Variants in PTPRN2 observed in about 807,000 individuals in gnomAD.
The protein encoded by PTPRN2 is protein tyrosine phosphatase receptor type N2.
In PTPRN2, 74 loss-of-function variants were observed where a neutral mutation model predicts 118.8. That is an observed-to-expected ratio of 0.62 (90% CI 0.52 to 0.76). The LOEUF is 0.76. PTPRN2 is among the 30% of genes least tolerant of loss of function. PTPRN2 has a pLI of 0.00. For missense variants in PTPRN2, 1,481 were observed against 1,394.4 expected (o/e 1.06, Z -0.99); for synonymous variants, 641 against 608.0 (o/e 1.05, Z -0.80).
At chr7:158,320,108 C>G (rs1802861989) in intron 2 of PTPRN2, among the ~76,000 whole-genome samples, 1 of 66,130 alleles carries the variant, frequency 1.5e-5, no homozygotes, top group East Asian at 4.6e-4. Context: ...TAGTCTCCCT[C>G]ACACACACAC....
At chr7:157,602,168 G>A (rs1374758508) in intron 16 of PTPRN2, among the ~76,000 whole-genome samples, 1 of 152,242 alleles carries the variant, frequency 6.6e-6, no homozygotes, top group Non-Finnish European at 1.5e-5. Flanking sequence ...TCTTAAGAAT[G>A]AACACATAAA....
At chr7:158,307,128 A>G (rs1202417518) in intron 3 of PTPRN2, among the ~76,000 whole-genome samples, 1 of 152,120 alleles carries the variant, frequency 6.6e-6, no homozygotes, top group Admixed American at 6.5e-5. Context: ...CGGCCTCCCA[A>G]AGTGCTGGGA....
chr7:158,175,183 T>C (rs1824075067), intron 5 of PTPRN2, among the ~76,000 whole-genome samples: 1 of 152,198 alleles, frequency 6.6e-6, no homozygotes, highest in Admixed American at 6.5e-5. Context: ...ACACACGTTT[T>C]CTCCCTGTCT....
intron 21 of PTPRN2, among the ~76,000 whole-genome samples, chr7:157,559,203 C>A (rs1563212420): frequency 6.6e-6 from 1 of 152,236 alleles, no homozygotes; most frequent in Non-Finnish European, 1.5e-5. Context: ...GCCCCACTGC[C>A]AAAAGGCCAG....
intron 2 of PTPRN2, among the ~76,000 whole-genome samples, chr7:158,381,254 C>A (rs557976563): frequency 4.8e-4 from 73 of 152,312 alleles, no homozygotes; most frequent in Non-Finnish European, 9.3e-4. Flanking sequence ...TGCAAATTTT[C>A]TGAACTTTTA....
At chr7:157,941,049 A>G (rs1488212393) in intron 11 of PTPRN2, among the ~76,000 whole-genome samples, 11 of 65,118 alleles carry the variant, frequency 1.7e-4, no homozygotes, top group Non-Finnish European at 1.1e-4. Flanking sequence ...CTGCAAATCT[A>G]ACACTCTCCC....
chr7:157,937,450 C>A (rs769181669), intron 11 of PTPRN2, among the ~76,000 whole-genome samples: 2 of 152,224 alleles, frequency 1.3e-5, no homozygotes. Flanking sequence ...TGGAGCAGAT[C>A]GCATCAGCTA....
At chr7:158,233,267 T>A (rs996963938) in intron 3 of PTPRN2, among the ~76,000 whole-genome samples, 1 of 152,226 alleles carries the variant, frequency 6.6e-6, no homozygotes, top group African/African-American at 2.4e-5. Context: ...AGCATTTATA[T>A]ATGCCAACAG....
chr7:158,113,060 C>A (rs574870606), intron 9 of PTPRN2, among the ~76,000 whole-genome samples: 1 of 151,840 alleles, frequency 6.6e-6, no homozygotes, highest in Non-Finnish European at 1.5e-5. Context: ...GGCCCCCCAA[C>A]ATTTAGGGCA....
At chr7:158,129,302 G>C (rs111204871) in intron 9 of PTPRN2, among the ~76,000 whole-genome samples, 2,668 of 119,684 alleles carry the variant, frequency 0.022, 72 homozygotes, top group African/African-American at 0.073. Flanking sequence ...AACCACACAG[G>C]ACACCACACA....
intron 12 of PTPRN2, among the ~76,000 whole-genome samples, chr7:157,819,885 C>A (rs1806699696): frequency 6.6e-6 from 1 of 151,126 alleles, no homozygotes; most frequent in Non-Finnish European, 1.5e-5. Flanking sequence ...ACGCACACAA[C>A]AGACACATGC....
intron 9 of PTPRN2, among the ~76,000 whole-genome samples, chr7:158,132,775 A>G (rs1454973036): frequency 6.6e-6 from 1 of 150,940 alleles, no homozygotes; most frequent in African/African-American, 2.5e-5. Context: ...CATCTACCCA[A>G]CACACACTCA....
intron 12 of PTPRN2, among the ~76,000 whole-genome samples, chr7:157,802,246 C>G (rs569778002): frequency 4.0e-4 from 61 of 152,206 alleles, no homozygotes; most frequent in Non-Finnish European, 6.8e-4. Flanking sequence ...CGTGCTTCCC[C>G]CAGCGCCAGA....
chr7:158,060,101 A>G (rs201863015), intron 11 of PTPRN2, among the ~76,000 whole-genome samples: 16 of 112,022 alleles, frequency 1.4e-4, no homozygotes, highest in African/African-American at 5.3e-4. Context: ...CCACGGTGAC[A>G]CATCACTGCA....
intron 12 of PTPRN2, among the ~76,000 whole-genome samples, chr7:157,756,836 C>T (rs1563076697): frequency 6.6e-6 from 1 of 151,306 alleles, no homozygotes; most frequent in Admixed American, 6.6e-5. Flanking sequence ...AGAAACTGCT[C>T]AGGGGAAAGA....
chr7:157,730,666 G>A (rs1284853810), intron 12 of PTPRN2, among the ~76,000 whole-genome samples: 1 of 152,332 alleles, frequency 6.6e-6, no homozygotes, highest in Admixed American at 6.5e-5. Flanking sequence ...ATTGTACACG[G>A]TATAGTTAGG....
At chr7:158,294,991 C>A (rs990280599) in intron 3 of PTPRN2, among the ~76,000 whole-genome samples, 1 of 145,382 alleles carries the variant, frequency 6.9e-6, no homozygotes, top group Non-Finnish European at 1.5e-5. Context: ...TGCCTGTCTG[C>A]CCAGACACTG....
intron 3 of PTPRN2, among the ~76,000 whole-genome samples, chr7:158,294,332 C>A (rs917453235): frequency 6.6e-6 from 1 of 152,168 alleles, no homozygotes; most frequent in African/African-American, 2.4e-5. Context: ...TTCTCAAATA[C>A]ATAAAAATAA....
rs1554466854 is a variant in PTPRN2 at position 157,841,905 on chromosome 7, C to CT, written c.1788+56767_1788+56768insA. On this transcript the variant is annotated intron_variant, in intron 12 of 22. Transcript: ENST00000389418. ...GGCCCACAGGACAGCATACAGTACCCGGGGACTGTGTCTTTTTTCCTCCCT... is the reference window on the plus strand; with the variant it reads ...GGCCCACAGGACAGCATACAGTACCCTGGGGACTGTGTCTTTTTTCCTCCCT... 8.6e-5 allele frequency among the ~76,000 whole-genome samples: 13 copies of CT among 151,966 alleles called. No homozygotes were observed. The East Asian group carries it at 1.4e-3, about 16-fold the overall frequency.
Sources: gnomAD v4.1 joint callset for allele counts (sites outside exome capture counted in the v4.1 genomes callset) on GRCh38, gnomAD v4.1.1 for gene constraint, MANE v1.5 for transcripts, NCBI Gene and HGNC (gene_info 2026-07-23, HGNC 2026-07-21) for gene names.